PCNX2: variants seen among roughly 807,000 people sequenced by gnomAD.
PCNX2 encodes pecanex 2, also known as pecanex-like protein 2.
In PCNX2, 168 loss-of-function variants were observed where a neutral mutation model predicts 223.8. The ratio of observed to expected loss-of-function variants is 0.75; its 90% CI spans 0.66 to 0.85. The LOEUF (loss-of-function observed/expected upper bound fraction) is 0.85. Among genes scored for constraint, PCNX2 ranks in the 40% least tolerant of loss-of-function variants. The pLI is 0.00. For synonymous variants in PCNX2, 1,006 were observed against 1,052.6 expected, an observed-to-expected ratio of 0.96 and a Z score of 0.86; for missense variants, 2,507 against 2,675.5, an observed-to-expected ratio of 0.94 and a Z score of 1.39.
chr1:233,154,034 A>T (rs188552510), intron 19 of PCNX2, among the ~76,000 whole-genome samples: 13 of 152,140 alleles, frequency 8.5e-5, no homozygotes, highest in Admixed American at 2.0e-4. Flanking sequence ...GGATTTTTTT[A>T]AATTACAATT....
chr1:233,074,773 A>T (rs1390501775), intron 23 of PCNX2, among the ~76,000 whole-genome samples: 2 of 152,134 alleles, frequency 1.3e-5, no homozygotes, highest in Non-Finnish European at 2.9e-5. Context: ...ACATGAATAA[A>T]CATTTCACTG....
upstream of PCNX2, among the ~76,000 whole-genome samples, chr1:233,295,952 T>TCCTTCCTTTC (rs772276826): frequency 4.9e-4 from 71 of 145,028 alleles, no homozygotes; most frequent in African/African-American, 7.1e-4. The surrounding 1 kb of genome is among the most constrained non-coding windows in gnomAD (Gnocchi z 4.1). Flanking sequence ...CTTCCTTCCT[T>TCCTTCCTTTC]TCTCTCTCTC....
intron 23 of PCNX2, chr1:233,065,579 C>T (rs527740762): frequency 6.6e-6 from 1 of 152,012 alleles, no homozygotes; most frequent in East Asian, 1.9e-4. Context: ...AAAAGTAGAG[C>T]ATCTGGGCAT....
At position 233,295,578 on chromosome 1, in the gene PCNX2, GCGCCCCCGCCGTCGCCGCCGCCGT is replaced by G. The variant is rs976539371; in HGVS notation, c.-124_-101del. ...GGTCTAACACCCGGGCCCGCGGGCC[GCGCCCCCGCCGTCGCCGCCGCCGT>G]CGCCCCCGCCGCCTCCTTCCACCCC... On this transcript the variant is annotated 5_prime_UTR_variant, in exon 1 of 34. Coordinates refer to ENST00000258229, the MANE Select transcript of PCNX2 (RefSeq NM_014801.4). The surrounding 1 kb of genome is among the most constrained non-coding windows in gnomAD (Gnocchi z 4.1). 7.3e-6 allele frequency: 9 copies of G among 1,230,400 alleles called. No homozygotes were observed. In the South Asian group the frequency reaches 9.9e-5, roughly 13 times the overall value. 76.2% of individuals were successfully genotyped at this position (1,230,400 alleles called of 1,614,324 possible).
At chr1:233,108,680 T>C (rs1483511220) in intron 21 of PCNX2, among the ~76,000 whole-genome samples, 1 of 152,140 alleles carries the variant, frequency 6.6e-6, no homozygotes, top group East Asian at 1.9e-4. Flanking sequence ...GAAAGGTCAA[T>C]AAATGCTGTT....
At chr1:233,213,018 A>G (rs189049282) in intron 12 of PCNX2, among the ~76,000 whole-genome samples, 19 of 152,264 alleles carry the variant, frequency 1.2e-4, no homozygotes, top group African/African-American at 4.3e-4. Flanking sequence ...TCCTCCTAAA[A>G]TCCATAATCC....
chr1:233,092,965 A>AT (rs577541605), intron 22 of PCNX2, among the ~76,000 whole-genome samples: 14 of 151,958 alleles, frequency 9.2e-5, no homozygotes, highest in Non-Finnish European at 1.5e-4. Flanking sequence ...TGCCCGGCTA[A>AT]TTTTTTTGTA....
intron 1 of PCNX2, among the ~76,000 whole-genome samples, chr1:233,291,348 G>A (rs892165973): frequency 7.2e-5 from 11 of 152,234 alleles, no homozygotes; most frequent in African/African-American, 1.9e-4. Context: ...GGTGGCTCAC[G>A]CCTGTAATCC....
rs1338708999 is a variant in PCNX2 at position 233,135,201 on chromosome 1, CAAAAG to C, written c.3660-16_3660-12del. 3 of 1,610,622 alleles carry C rather than the reference CAAAAG, an allele frequency of 1.9e-6. No individual in the cohort carries two copies. Among genetic ancestry groups the C allele is most frequent in the African/African-American group, 1.3e-5 (1 of 74,852 alleles). ...AGAAAAATGTCCCAGCTGTTGGAAA[CAAAAG>C]AAAAGATGCAATCAATGACAGTGTG... On this transcript the variant is annotated splice_polypyrimidine_tract_variant and intron_variant, in intron 20 of 33. Transcript: ENST00000258229.
rs1463454703 is a variant in PCNX2 at position 233,126,782 on chromosome 1, C to T, written c.3837+8231G>A. On this transcript the variant is annotated intron_variant, in intron 21 of 33. Coordinates refer to ENST00000258229, the MANE Select transcript of PCNX2 (RefSeq NM_014801.4). The surrounding 1 kb of genome is among the most constrained non-coding windows in gnomAD (Gnocchi z 4.8). ...TTTTATGTTTGACCTTTATGGCTCT[C>T]GTTCCACAATCTAATACATCAAAGC... Among the ~76,000 whole-genome samples the T allele has an allele frequency of 1.3e-5, 2 of 152,050 alleles. No individual in the cohort carries two copies. The highest frequency in any genetic ancestry group is 2.9e-5 in the Non-Finnish European group (2 of 68,018).
chr1:232,998,638 T>C (rs1318913608), intron 31 of PCNX2, among the ~76,000 whole-genome samples, 200 bp from the exon 32 acceptor site: 1 of 152,200 alleles, frequency 6.6e-6, no homozygotes, highest in Non-Finnish European at 1.5e-5. Context: ...CCAGGATGAA[T>C]GGGCTTCCGT....
At chr1:233,266,807 A>G (rs1660354575) in intron 1 of PCNX2, among the ~76,000 whole-genome samples, 1 of 152,184 alleles carries the variant, frequency 6.6e-6, no homozygotes, top group Non-Finnish European at 1.5e-5. Flanking sequence ...TGGCCAAAGA[A>G]AAGTTTTATG....
chr1:233,223,293 C>T (rs1283587014), intron 10 of PCNX2, among the ~76,000 whole-genome samples: 5 of 151,964 alleles, frequency 3.3e-5, no homozygotes, highest in South Asian at 2.1e-4. Context: ...GCAGGTTCAA[C>T]GGAGTTTTGA....
intron 21 of PCNX2, among the ~76,000 whole-genome samples, chr1:233,114,081 T>A (rs529567365): frequency 1.8e-4 from 28 of 152,288 alleles, no homozygotes; most frequent in African/African-American, 5.5e-4. Context: ...AATAAACAAT[T>A]ATAAAGTGTG....
intron 1 of PCNX2, among the ~76,000 whole-genome samples, chr1:233,284,257 C>T (rs1661335568): frequency 6.6e-6 from 1 of 152,136 alleles, no homozygotes; most frequent in Non-Finnish European, 1.5e-5. Flanking sequence ...GGAGAATGTT[C>T]TTTTCCTTAA....
intron 12 of PCNX2, among the ~76,000 whole-genome samples, chr1:233,208,972 C>A (rs898499828): frequency 6.6e-5 from 10 of 151,508 alleles, no homozygotes; most frequent in African/African-American, 2.4e-4. Flanking sequence ...AATTTAATTA[C>A]CATCCTGAGA....
At chr1:233,099,379 G>T (rs67304993) in intron 21 of PCNX2, among the ~76,000 whole-genome samples, 25,999 of 152,100 alleles carry the variant, frequency 0.17, 2,317 homozygotes, top group East Asian at 0.25. Context: ...CGTTCTTTCA[G>T]GTACACAGTA....
chr1:233,143,538 A>G (rs6684465), intron 19 of PCNX2, among the ~76,000 whole-genome samples: 11,096 of 152,246 alleles, frequency 0.073, 1,338 homozygotes, highest in African/African-American at 0.25. Context: ...CCTGGACCCA[A>G]TGAGTCAGAA....
At chr1:233,007,866 A>G (rs1200943028) in intron 28 of PCNX2, among the ~76,000 whole-genome samples, 2 of 151,474 alleles carry the variant, frequency 1.3e-5, no homozygotes. Context: ...TTTAGTAGAG[A>G]CAGGGTTTCA....
Sources: gnomAD v4.1 joint callset for allele counts (sites outside exome capture counted in the v4.1 genomes callset) on GRCh38, gnomAD v4.1.1 for gene constraint, Gnocchi (gnomAD v3.1) non-coding constraint, MANE v1.5 for transcripts, NCBI Gene and HGNC (gene_info 2026-07-23, HGNC 2026-07-21) for gene names.